The following NKD1 variants were observed in gnomAD, a reference collection of about 807,000 sequenced individuals.
The protein encoded by NKD1 is NKD inhibitor of Wnt signaling pathway 1.
Under a neutral mutation model 56.0 loss-of-function variants are expected in NKD1, and 21 were observed. The ratio of observed to expected loss-of-function variants is 0.38; its 90% CI spans 0.27 to 0.54. The LOEUF (loss-of-function observed/expected upper bound fraction) is 0.54, where lower values mean the gene tolerates loss of function less well. Ranked by LOEUF, NKD1 falls within the 20% of genes least tolerant of loss-of-function variation. The pLI is 0.82. For missense variants in NKD1, 578 were observed against 642.7 expected (o/e 0.90, Z 1.09); for synonymous variants, 263 against 265.7 (o/e 0.99, Z 0.10).
intron 6 of NKD1, among the ~76,000 whole-genome samples, chr16:50,628,062 G>A (rs998204929): frequency 2.0e-5 from 3 of 152,184 alleles, no homozygotes; most frequent in Non-Finnish European, 4.4e-5. Flanking sequence ...ATCCCTCCCC[G>A]AGATGAGCAA....
At chr16:50,548,652 C>A in intron 1 of NKD1, 65 bp from the exon 2 acceptor site, 3 of 1,466,310 alleles carry the variant, frequency 2.0e-6, no homozygotes, top group South Asian at 1.3e-5. Context: ...TCTCTCCCTT[C>A]CTTTCTTTCC....
chr16:50,563,564 T>C (rs1960692313), intron 3 of NKD1, among the ~76,000 whole-genome samples: 1 of 151,084 alleles, frequency 6.6e-6, no homozygotes, highest in Non-Finnish European at 1.5e-5. Context: ...GAGAAGACCC[T>C]GTGTGTCAGG....
intron 4 of NKD1, among the ~76,000 whole-genome samples, chr16:50,620,222 C>T (rs1962054561): frequency 6.6e-6 from 1 of 152,272 alleles, no homozygotes; most frequent in South Asian, 2.1e-4. Flanking sequence ...GTTCGCAGGA[C>T]CAGAGCAGAG....
chr16:50,559,795 C>G (rs1185949531), intron 3 of NKD1, among the ~76,000 whole-genome samples: 1 of 152,122 alleles, frequency 6.6e-6, no homozygotes, highest in Non-Finnish European at 1.5e-5. Flanking sequence ...CTGCCCAAGC[C>G]TTCTGGCCTT....
chr16:50,594,400 G>A (rs115459457), intron 3 of NKD1, among the ~76,000 whole-genome samples: 1,796 of 152,278 alleles, frequency 0.012, 44 homozygotes, highest in African/African-American at 0.041. Flanking sequence ...CCAACTACCC[G>A]CGTAGTTCAG....
intron 3 of NKD1, among the ~76,000 whole-genome samples, chr16:50,585,614 G>A (rs963920216): frequency 3.9e-5 from 6 of 152,150 alleles, no homozygotes; most frequent in South Asian, 2.1e-4. Flanking sequence ...GCCGCCAAGC[G>A]TTTACCCAGG....
At chr16:50,599,092 G>C (rs544275651) in intron 3 of NKD1, among the ~76,000 whole-genome samples, 21 of 152,226 alleles carry the variant, frequency 1.4e-4, no homozygotes, top group African/African-American at 4.6e-4. Context: ...GGCCAGAAGT[G>C]GGGTCGCCTG....
chr16:50,624,587 C>T (rs1962168191), intron 5 of NKD1, among the ~76,000 whole-genome samples: 1 of 152,206 alleles, frequency 6.6e-6, no homozygotes, highest in African/African-American at 2.4e-5. Context: ...GACCACATGG[C>T]ACTGGGAGCA....
chr16:50,602,704 C>T (rs945903876), intron 3 of NKD1, among the ~76,000 whole-genome samples: 1 of 152,220 alleles, frequency 6.6e-6, no homozygotes, highest in Admixed American at 6.5e-5. Context: ...GGGTTTGGTG[C>T]TCTCCTCTGT....
chr16:50,611,855 G>A (rs1961855476), intron 4 of NKD1, among the ~76,000 whole-genome samples: 1 of 152,210 alleles, frequency 6.6e-6, no homozygotes, highest in South Asian at 2.1e-4. Context: ...AGACAATGAG[G>A]TGATGGATGT....
chr16:50,553,283 T>G (rs1960430288), intron 3 of NKD1, among the ~76,000 whole-genome samples: 1 of 152,222 alleles, frequency 6.6e-6, no homozygotes, highest in Admixed American at 6.5e-5. Context: ...ACAGGCTGAT[T>G]GTGAATATGT....
At chr16:50,550,124 C>G (rs1215759397) in intron 3 of NKD1, among the ~76,000 whole-genome samples, 2 of 151,916 alleles carry the variant, frequency 1.3e-5, no homozygotes, top group Non-Finnish European at 2.9e-5. Context: ...CCACTGTAGC[C>G]TGGGCAGAGC....
At chr16:50,602,737 C>T (rs890639315) in intron 3 of NKD1, among the ~76,000 whole-genome samples, 4 of 152,316 alleles carry the variant, frequency 2.6e-5, no homozygotes, top group South Asian at 4.1e-4. Flanking sequence ...GCACAGTCTG[C>T]GTGTCTTCCT....
At chr16:50,586,504 TG>T (rs1961233496) in intron 3 of NKD1, among the ~76,000 whole-genome samples, 5 of 151,986 alleles carry the variant, frequency 3.3e-5, no homozygotes, top group Admixed American at 3.3e-4. Context: ...AGGGAGGTGC[TG>T]GGGCTGAAGG....
At position 50,640,674 on chromosome 16, in the gene NKD1, C is replaced by G. The variant is rs997406440; in HGVS notation, c.*6893C>G. ...CTGTTAATTTATGACATCCTCCTGC[C>G]TATGAGTCCTTGACTCTGGAGTTTT... On this transcript the variant is annotated 3_prime_UTR_variant, in exon 10 of 10. Transcript: ENST00000268459. 3 of 152,194 alleles carry G rather than the reference C, an allele frequency of 2.0e-5. No homozygotes were observed. The highest frequency in any genetic ancestry group is 7.2e-5 in the African/African-American group (3 of 41,452). The allele number at this position is 152,194 out of a possible 1,614,324, so 9.4% of individuals were successfully genotyped here. A position where few individuals can be genotyped will look rare whatever the true frequency, so the allele number is the denominator to read the frequency against.
intron 4 of NKD1, among the ~76,000 whole-genome samples, chr16:50,619,247 C>T (rs529998974): frequency 2.0e-5 from 3 of 151,780 alleles, no homozygotes; most frequent in Admixed American, 1.3e-4. Context: ...TGCTGCAGGC[C>T]GTGATATTAC....
intron 3 of NKD1, chr16:50,562,401 C>A: frequency 2.7e-6 from 1 of 370,492 alleles, no homozygotes; most frequent in Non-Finnish European, 3.7e-6. Context: ...TCATTTTGTA[C>A]ATTTTTAGGT....
intron 3 of NKD1, chr16:50,575,327 G>A (rs1487683769): frequency 4.1e-6 from 4 of 985,244 alleles, no homozygotes; most frequent in Non-Finnish European, 4.8e-6. Flanking sequence ...TGGTTCACAA[G>A]TGTTTGCTTC....
At chr16:50,629,754 A>AC (rs111731185) in intron 6 of NKD1, among the ~76,000 whole-genome samples, 68 of 152,062 alleles carry the variant, frequency 4.5e-4, no homozygotes, top group African/African-American at 1.6e-3. Flanking sequence ...ACAGAGTGAG[A>AC]CCCCCATCTC....
Sources: gnomAD v4.1 joint callset for allele counts (sites outside exome capture counted in the v4.1 genomes callset) on GRCh38, gnomAD v4.1.1 for gene constraint, MANE v1.5 for transcripts, NCBI Gene and HGNC (gene_info 2026-07-23, HGNC 2026-07-21) for gene names.